Variants in ATG7 observed in about 807,000 individuals in gnomAD.
ATG7 encodes autophagy related 7, also known as ubiquitin-like modifier-activating enzyme ATG7.
Under a neutral mutation model 82.4 loss-of-function variants are expected in ATG7, and 70 were observed. That is an observed-to-expected ratio of 0.85 (90% CI 0.70 to 1.04). ATG7 has a LOEUF of 1.04. Among genes scored for constraint, ATG7 ranks in the 50% least tolerant of loss-of-function variants. The pLI is 0.00. For synonymous variants in ATG7, 287 were observed against 313.0 expected (o/e 0.92, Z 0.88); for missense variants, 792 against 864.3 (o/e 0.92, Z 1.05).
intron 20 of ATG7, among the ~76,000 whole-genome samples, chr3:11,537,825 C>T (rs77251970): frequency 0.015 from 2,251 of 152,228 alleles, 29 homozygotes; most frequent in South Asian, 0.037. Context: ...TATTTTCCTG[C>T]GGGGAAACTG....
chr3:11,336,734 A>C (rs553761852), intron 11 of ATG7, among the ~76,000 whole-genome samples: 1 of 152,226 alleles, frequency 6.6e-6, no homozygotes, highest in African/African-American at 2.4e-5. Flanking sequence ...GTGCAGTGGC[A>C]AAATCATAGC....
intron 20 of ATG7, among the ~76,000 whole-genome samples, chr3:11,538,706 A>C (rs9830689): frequency 4.1e-5 from 4 of 96,526 alleles, no homozygotes; most frequent in Admixed American, 1.1e-4. Flanking sequence ...AAAAAAAAAA[A>C]TTAGCCAAAA....
intron 20 of ATG7, among the ~76,000 whole-genome samples, chr3:11,433,310 AAAAAAG>A (rs928183288): frequency 1.3e-5 from 2 of 151,146 alleles, no homozygotes; most frequent in East Asian, 1.9e-4. Context: ...AAAAAAAAAA[AAAAAAG>A]CTGCGTTTGT....
At chr3:11,371,759 T>C (rs2077010933) in intron 18 of ATG7, among the ~76,000 whole-genome samples, 1 of 151,180 alleles carries the variant, frequency 6.6e-6, no homozygotes, top group African/African-American at 2.4e-5. Context: ...GTCCTTAAGG[T>C]AGCACACCAA....
intron 16 of ATG7, 132 bp from the exon 17 acceptor site, chr3:11,362,681 C>T: frequency 1.6e-6 from 1 of 640,520 alleles, no homozygotes; most frequent in Non-Finnish European, 2.7e-6. Context: ...GTACTTGAGG[C>T]TGGATGTTCT....
intron 5 of ATG7, among the ~76,000 whole-genome samples, chr3:11,301,086 G>T (rs1410262724): frequency 6.6e-6 from 1 of 152,162 alleles, no homozygotes; most frequent in African/African-American, 2.4e-5. Flanking sequence ...GGACACAGGG[G>T]TTGTCAGAGG....
chr3:11,539,806 A>G (rs183992802), intron 20 of ATG7, among the ~76,000 whole-genome samples: 174 of 152,328 alleles, frequency 1.1e-3, no homozygotes, highest in Non-Finnish European at 2.1e-3. Flanking sequence ...CGCTTGTGGA[A>G]CCAGCACAGT....
In ATG7 at chr3:11,304,008, G is replaced by A. The variant is rs1036062193; in HGVS notation, c.216-2935G>A. Among the ~76,000 whole-genome samples, 10 of 151,952 alleles carry A rather than the reference G, an allele frequency of 6.6e-5. No homozygotes were observed. In the South Asian group the frequency reaches 1.5e-3, roughly 22 times the overall value. On this transcript the variant is annotated intron_variant, in intron 5 of 20. Transcript: ENST00000693202. Reference sequence around the variant, plus strand: ...CGGGAGGCTGAGGCAGGAGAAAGGCGTGAACCTGGGAGGCGGAGCTTGCAG... The same window carrying A: ...CGGGAGGCTGAGGCAGGAGAAAGGCATGAACCTGGGAGGCGGAGCTTGCAG...
In ATG7 at chr3:11,395,864, G is replaced by C. The variant is rs1034280991; in HGVS notation, c.1956+15812G>C. Reference sequence around the variant, plus strand: ...CTGAGGCAGGAGAATGGCGTGAACCGAGGAGGCGGAGCTCGCAGTGAGCGG... The same window carrying C: ...CTGAGGCAGGAGAATGGCGTGAACCCAGGAGGCGGAGCTCGCAGTGAGCGG... On this transcript the variant is annotated intron_variant, in intron 19 of 20. Coordinates refer to ENST00000693202, the MANE Select transcript of ATG7 (RefSeq NM_001349232.2). Among the ~76,000 whole-genome samples the C allele has an allele frequency of 4.8e-5, 7 of 146,562 alleles. No homozygotes were observed. The East Asian group carries it at 8.5e-4, about 18-fold the overall frequency.
intron 7 of ATG7, among the ~76,000 whole-genome samples, chr3:11,311,043 A>C (rs905239462): frequency 1.3e-5 from 2 of 152,212 alleles, no homozygotes; most frequent in Admixed American, 6.5e-5. Flanking sequence ...ACATGCTGAC[A>C]GTTTGCATTT....
intron 20 of ATG7, among the ~76,000 whole-genome samples, chr3:11,513,298 C>T (rs913942156): frequency 7.2e-5 from 11 of 152,204 alleles, no homozygotes; most frequent in African/African-American, 2.4e-4. Flanking sequence ...GAGCAGGGGG[C>T]GGTGCTCGTT....
intron 20 of ATG7, among the ~76,000 whole-genome samples, chr3:11,550,568 A>T (rs973546848): frequency 2.3e-4 from 35 of 151,998 alleles, no homozygotes; most frequent in African/African-American, 7.5e-4. Context: ...GCTCATTTTT[A>T]AAAAATTATT....
chr3:11,443,314 T>C (rs2084182773), intron 20 of ATG7, among the ~76,000 whole-genome samples: 1 of 152,204 alleles, frequency 6.6e-6, no homozygotes, highest in Non-Finnish European at 1.5e-5. Context: ...GCTCACTCCT[T>C]ACTACTAAGG....
At chr3:11,400,587 TA>T (rs1232980680) in intron 19 of ATG7, among the ~76,000 whole-genome samples, 1 of 151,960 alleles carries the variant, frequency 6.6e-6, no homozygotes, top group African/African-American at 2.4e-5. Flanking sequence ...ACCTGATTTT[TA>T]AGTGTTGGTT....
intron 13 of ATG7, among the ~76,000 whole-genome samples, chr3:11,342,624 G>A (rs956950575): frequency 6.6e-6 from 1 of 151,984 alleles, no homozygotes; most frequent in Non-Finnish European, 1.5e-5. Flanking sequence ...TTAGATCATA[G>A]CATACTATCT....
intron 19 of ATG7, among the ~76,000 whole-genome samples, chr3:11,423,779 ACT>A (rs2082140166): frequency 6.6e-6 from 1 of 151,752 alleles, no homozygotes; most frequent in Admixed American, 6.6e-5. Flanking sequence ...ACCAGCCAGG[ACT>A]CTTTCCCAGT....
chr3:11,347,426 T>A (rs980335820), intron 13 of ATG7, among the ~76,000 whole-genome samples: 1 of 152,176 alleles, frequency 6.6e-6, no homozygotes, highest in African/African-American at 2.4e-5. Context: ...CAGTGGGAAA[T>A]AATTTGTGAG....
the ATG7 span, chr3:11,564,765 T>G: frequency 6.5e-7 from 1 of 1,527,842 alleles, no homozygotes; most frequent in East Asian, 2.5e-5. Flanking sequence ...GCCCCTGGAC[T>G]CCCCACGCCA....
chr3:11,435,812 A>G (rs887678217), intron 20 of ATG7, among the ~76,000 whole-genome samples: 1 of 152,350 alleles, frequency 6.6e-6, no homozygotes, highest in South Asian at 2.1e-4. Context: ...AAAGAAAAAT[A>G]CTGGACTCCA....
Sources: gnomAD v4.1 joint callset for allele counts (sites outside exome capture counted in the v4.1 genomes callset) on GRCh38, gnomAD v4.1.1 for gene constraint, MANE v1.5 for transcripts, NCBI Gene and HGNC (gene_info 2026-07-23, HGNC 2026-07-21) for gene names.